The following BMP5 variants were observed in gnomAD, a reference collection of about 807,000 sequenced individuals.
BMP5 encodes bone morphogenetic protein 5.
Under a neutral mutation model 46.6 loss-of-function variants are expected in BMP5, and 23 were observed. The observed-to-expected ratio is 0.49, with a 90% CI of 0.35 to 0.70. The LOEUF is 0.70. BMP5 is among the 30% of genes least tolerant of loss of function. BMP5 has a pLI of 0.00. For synonymous variants in BMP5, 204 were observed against 191.9 expected (o/e 1.06, Z -0.52); for missense variants, 545 against 565.6 (o/e 0.96, Z 0.37).
rs3756989 is a variant in BMP5 at position 55,826,339 on chromosome 6, A to G, written c.491-6492T>C. ...ATAAATATTTCATGAATACAGTTTT[A>G]TAAAGAAGCAAAATCTCAAAGAATT... On this transcript the variant is annotated intron_variant, in intron 1 of 6. Coordinates refer to ENST00000370830, the MANE Select transcript of BMP5 (RefSeq NM_021073.4). Among the ~76,000 whole-genome samples, 10 of 151,988 alleles carry G rather than the reference A, an allele frequency of 6.6e-5. No homozygotes were observed. The East Asian group carries it at 1.5e-3, about 23-fold the overall frequency.
intron 1 of BMP5, among the ~76,000 whole-genome samples, chr6:55,871,454 G>C (rs1172653018): frequency 6.6e-6 from 1 of 151,746 alleles, no homozygotes; most frequent in Non-Finnish European, 1.5e-5. Flanking sequence ...AAATAAACGA[G>C]TCACTAAAAT....
In BMP5 at chr6:55,874,948, A is replaced by G; in HGVS notation, c.-83T>C. On this transcript the variant is annotated 5_prime_UTR_variant, in exon 1 of 7. Coordinates refer to ENST00000370830, the MANE Select transcript of BMP5 (RefSeq NM_021073.4). ...AAAAACCTAAGGTTCTAGGAGGTAC[A>G]GTTTCCCAGTAGCTGAAAAAACAAA... 1 of 1,517,888 alleles carries G rather than the reference A, an allele frequency of 6.6e-7. No individual in the cohort carries two copies. Among genetic ancestry groups the G allele is most frequent in the Non-Finnish European group, 8.9e-7 (1 of 1,123,352 alleles). The allele number at this position is 1,517,888 out of a possible 1,614,324, so 94.0% of individuals were successfully genotyped here.
intron 2 of BMP5, among the ~76,000 whole-genome samples, chr6:55,795,992 T>A (rs1258601566): frequency 6.6e-6 from 1 of 152,146 alleles, no homozygotes; most frequent in African/African-American, 2.4e-5. Flanking sequence ...TCCTCCTAAA[T>A]TGAAAAATCC....
intron 3 of BMP5, among the ~76,000 whole-genome samples, chr6:55,777,989 AT>A (rs1486602888): frequency 1.3e-5 from 2 of 152,012 alleles, no homozygotes; most frequent in Non-Finnish European, 2.9e-5. Context: ...CAACAGAATG[AT>A]CTCCGAAATT....
intron 1 of BMP5, among the ~76,000 whole-genome samples, chr6:55,842,629 G>A (rs62404965): frequency 0.054 from 8,128 of 151,606 alleles, 243 homozygotes; most frequent in African/African-American, 0.085. Flanking sequence ...CTTGCATTAC[G>A]CCGGCCCCTC....
intron 4 of BMP5, chr6:55,772,691 T>A (rs1775076232): frequency 1.1e-6 from 1 of 914,660 alleles, no homozygotes; most frequent in African/African-American, 1.8e-5. Flanking sequence ...GGCACTAGTG[T>A]CATGCTTTAC....
chr6:55,874,799 C>A lies in BMP5; in HGVS notation c.67G>T (p.Gly23Cys). The A allele has an allele frequency of 6.2e-7, 1 of 1,613,272 alleles. No individual in the cohort carries two copies. The highest frequency in any genetic ancestry group is 8.5e-7 in the Non-Finnish European group (1 of 1,179,612). Residue 23 changes from glycine (G) to cysteine (C), a missense_variant, in exon 1 of 7, where the codon GGT (glycine) becomes TGT (cysteine). Coordinates refer to ENST00000370830, the MANE Select transcript of BMP5 (RefSeq NM_021073.4). ...TCTCCCAAACCTCCTTTTGCATAAC[C>A]CACTAGAACCCAGCAGCTCCAGAGG... ...GFLWSCWVLVGYAKGGLGDNH... is the reference protein window; with the variant it reads ...GFLWSCWVLVCYAKGGLGDNH...
At chr6:55,786,324 TGTAA>T in intron 3 of BMP5, among the ~76,000 whole-genome samples, 1 of 151,876 alleles carries the variant, frequency 6.6e-6, no homozygotes, top group Middle Eastern at 3.4e-3. Context: ...GCAGCAAGGT[TGTAA>T]GTGACTGTAG....
intron 3 of BMP5, among the ~76,000 whole-genome samples, chr6:55,780,456 TAAAA>T (rs369703099): frequency 1.6e-5 from 1 of 62,028 alleles, no homozygotes; most frequent in Non-Finnish European, 2.7e-5. Context: ...CCATCACTAC[TAAAA>T]AAAAAAAAAA....
chr6:55,771,495 C>T (rs1273089550), intron 4 of BMP5, among the ~76,000 whole-genome samples: 5 of 151,774 alleles, frequency 3.3e-5, no homozygotes, highest in Admixed American at 2.0e-4. Flanking sequence ...ACTTGAAAAA[C>T]GAAGTTAGTT....
rs893190161 is a variant in BMP5 at position 55,802,662 on chromosome 6, G to A, written c.684-8235C>T. Among the ~76,000 whole-genome samples the A allele has an allele frequency of 4.6e-5, 7 of 151,772 alleles. No homozygotes were observed. The South Asian group carries it at 1.2e-3, about 27-fold the overall frequency. On this transcript the variant is annotated intron_variant, in intron 2 of 6. Transcript: ENST00000370830. Reference sequence around the variant, plus strand: ...ACCATGTGACTAGCTGCAGAAATGAGTATTGTAATATGGTATTTATTCCTT... The same window carrying A: ...ACCATGTGACTAGCTGCAGAAATGAATATTGTAATATGGTATTTATTCCTT...
chr6:55,845,868 A>G (rs547293864), intron 1 of BMP5, among the ~76,000 whole-genome samples: 7 of 152,000 alleles, frequency 4.6e-5, no homozygotes, highest in Non-Finnish European at 8.8e-5. Context: ...AGAGGAAGGT[A>G]TTTGGGAACA....
intron 3 of BMP5, among the ~76,000 whole-genome samples, chr6:55,781,495 T>C (rs551592380): frequency 6.6e-6 from 1 of 152,252 alleles, no homozygotes; most frequent in African/African-American, 2.4e-5. Flanking sequence ...GAAATTTTAG[T>C]ATTCTGCATT....
At chr6:55,814,515 T>G (rs1013160607) in intron 2 of BMP5, among the ~76,000 whole-genome samples, 4 of 152,206 alleles carry the variant, frequency 2.6e-5, no homozygotes, top group Non-Finnish European at 5.9e-5. Flanking sequence ...ATATAGAAAT[T>G]TCCCTATTTG....
intron 3 of BMP5, among the ~76,000 whole-genome samples, chr6:55,780,470 A>AAAAAAAAGAAAG (rs1554181020): frequency 3.2e-4 from 42 of 131,722 alleles, no homozygotes; most frequent in Non-Finnish European, 5.5e-4. Context: ...AAAAAAAAAA[A>AAAAAAAAGAAAG]AAAGAAAGAA....
intron 2 of BMP5, among the ~76,000 whole-genome samples, chr6:55,817,866 A>G (rs9367666): frequency 0.02 from 3,122 of 152,302 alleles, 127 homozygotes; most frequent in East Asian, 0.14. Context: ...AGCAGCTGAA[A>G]TAGCTTAAAA....
chr6:55,843,406 C>A (rs17678251), intron 1 of BMP5, among the ~76,000 whole-genome samples: 28,135 of 151,836 alleles, frequency 0.19, 3,123 homozygotes, highest in Non-Finnish European at 0.25. Context: ...CATTTGGGAT[C>A]TCAGTTTTCA....
At chr6:55,803,643 T>A (rs1228625625) in intron 2 of BMP5, among the ~76,000 whole-genome samples, 5 of 152,180 alleles carry the variant, frequency 3.3e-5, no homozygotes, top group Admixed American at 6.5e-5. Flanking sequence ...TCTTTCAGCT[T>A]CCATTGAGTA....
rs541088515 is a variant in BMP5 at position 55,854,838 on chromosome 6, A to G, written c.490+19538T>C. 4.6e-5 allele frequency among the ~76,000 whole-genome samples: 7 copies of G among 152,272 alleles called. No individual in the cohort carries two copies. The South Asian group carries it at 1.5e-3, about 32-fold the overall frequency. On this transcript the variant is annotated intron_variant, in intron 1 of 6. Coordinates refer to ENST00000370830, the MANE Select transcript of BMP5 (RefSeq NM_021073.4). Reference sequence around the variant, plus strand: ...CAAGTATTTTAATTAAGATTTTTCCACAGTATTTTTGATTTTGATTTGCAA... The same window carrying G: ...CAAGTATTTTAATTAAGATTTTTCCGCAGTATTTTTGATTTTGATTTGCAA...
Sources: allele counts gnomAD v4.1 joint callset (sites outside exome capture counted in the v4.1 genomes callset), GRCh38; gene constraint gnomAD v4.1.1; transcripts MANE v1.5; gene names NCBI Gene and HGNC (gene_info 2026-07-23, HGNC 2026-07-21).